FGF12: variants seen among roughly 807,000 people sequenced by gnomAD.
The protein encoded by FGF12 is fibroblast growth factor 12.
A neutral mutation model predicts 23.6 loss-of-function variants in FGF12; 14 were observed. The ratio of observed to expected loss-of-function variants is 0.59; its 90% CI spans 0.39 to 0.93. FGF12 has a LOEUF of 0.93. FGF12 is among the 40% of genes least tolerant of loss of function. FGF12 has a pLI of 0.00. For missense variants in FGF12, 175 were observed against 217.8 expected, an observed-to-expected ratio of 0.80 and a Z score of 1.24; for synonymous variants, 62 against 77.3, an observed-to-expected ratio of 0.80 and a Z score of 1.04.
At chr3:192,698,445 C>T (rs970547338) in intron 2 of FGF12, among the ~76,000 whole-genome samples, 6 of 152,012 alleles carry the variant, frequency 3.9e-5, no homozygotes, top group African/African-American at 1.4e-4. Context: ...GTTCTAAGTC[C>T]CTTCTAAACA....
intron 4 of FGF12, among the ~76,000 whole-genome samples, chr3:192,179,227 AC>A (rs1260447007): frequency 6.6e-6 from 1 of 152,168 alleles, no homozygotes; most frequent in African/African-American, 2.4e-5. Context: ...CTTAAAAAAA[AC>A]AACTCTGCAG....
At chr3:192,686,301 C>T (rs1206758289) in intron 2 of FGF12, among the ~76,000 whole-genome samples, 2 of 152,062 alleles carry the variant, frequency 1.3e-5, no homozygotes, top group Non-Finnish European at 2.9e-5. Flanking sequence ...AAGACAGGCA[C>T]AGAGGCAAGT....
At chr3:192,468,468 G>A (rs1351983569) in intron 2 of FGF12, among the ~76,000 whole-genome samples, 1 of 152,166 alleles carries the variant, frequency 6.6e-6, no homozygotes, top group Non-Finnish European at 1.5e-5. Flanking sequence ...CACTTCTGCA[G>A]TATACTGATG....
chr3:192,321,032 A>G (rs1269171445), intron 4 of FGF12, among the ~76,000 whole-genome samples: 1 of 152,120 alleles, frequency 6.6e-6, no homozygotes, highest in African/African-American at 2.4e-5. Flanking sequence ...GTTTTTTGAA[A>G]AGATAAACAA....
chr3:192,400,107 T>A (rs1034484375), intron 2 of FGF12, among the ~76,000 whole-genome samples: 4 of 152,226 alleles, frequency 2.6e-5, no homozygotes, highest in Admixed American at 2.0e-4. Flanking sequence ...AGTCCAAGTT[T>A]CAATTATGAG....
intron 2 of FGF12, among the ~76,000 whole-genome samples, chr3:192,499,044 T>C (rs9840952): frequency 0.011 from 1,699 of 152,326 alleles, 28 homozygotes; most frequent in African/African-American, 0.037. Context: ...TCCAAGGTGA[T>C]ATAAAATGAA....
rs937873864 is a variant in FGF12 at position 192,711,414 on chromosome 3, C to T, written c.13+15767G>A. ...CGCCCCTTCTGGGAAGTGAGGAGCC[C>T]CTCTGCCCGGCCGCCACCCCGTCTG... On this transcript the variant is annotated intron_variant, in intron 2 of 5. Transcript: ENST00000445105. Among the ~76,000 whole-genome samples the T allele has an allele frequency of 3.3e-5, 5 of 149,716 alleles. No homozygotes were observed. The Admixed American group carries it at 3.3e-4, about 10-fold the overall frequency.
intron 2 of FGF12, among the ~76,000 whole-genome samples, chr3:192,440,318 A>C (rs1722167258): frequency 6.6e-6 from 1 of 152,184 alleles, no homozygotes; most frequent in Non-Finnish European, 1.5e-5. Flanking sequence ...GTGGTCTGGG[A>C]AATTTTCAAG....
At chr3:192,593,338 A>T (rs1449480505) in intron 2 of FGF12, among the ~76,000 whole-genome samples, 1 of 151,650 alleles carries the variant, frequency 6.6e-6, no homozygotes, top group Non-Finnish European at 1.5e-5. Flanking sequence ...CCTCATGATC[A>T]TACGTAGAAT....
chr3:192,534,777 CTGAA>C (rs1319739399), intron 2 of FGF12, among the ~76,000 whole-genome samples: 1 of 152,048 alleles, frequency 6.6e-6, no homozygotes, highest in African/African-American at 2.4e-5. Flanking sequence ...TCATATATGA[CTGAA>C]TAATACTAAT....
chr3:192,211,571 G>A (rs1200359300), intron 4 of FGF12, among the ~76,000 whole-genome samples: 2 of 151,880 alleles, frequency 1.3e-5, no homozygotes, highest in African/African-American at 4.8e-5. Context: ...GATTACAGGT[G>A]CCCCCCACCA....
chr3:192,401,486 A>T (rs925379154), intron 2 of FGF12, among the ~76,000 whole-genome samples: 4 of 152,206 alleles, frequency 2.6e-5, no homozygotes, highest in Admixed American at 6.5e-5. Context: ...GATCCACTAA[A>T]AGATTTTCAG....
chr3:192,488,505 A>G (rs1253860576), intron 2 of FGF12, among the ~76,000 whole-genome samples: 1 of 152,102 alleles, frequency 6.6e-6, no homozygotes, highest in African/African-American at 2.4e-5. Context: ...CTCCACCTTT[A>G]TCAATACCAC....
chr3:192,303,028 T>G (rs1715428498), intron 4 of FGF12, among the ~76,000 whole-genome samples: 1 of 152,200 alleles, frequency 6.6e-6, no homozygotes, highest in Admixed American at 6.5e-5. Flanking sequence ...AAATCTCTTT[T>G]GTAATTGCTA....
At chr3:192,529,160 T>A (rs1022874386) in intron 2 of FGF12, among the ~76,000 whole-genome samples, 2 of 152,210 alleles carry the variant, frequency 1.3e-5, no homozygotes, top group African/African-American at 2.4e-5. Context: ...CTTATAAAAC[T>A]GAATGCCTTT....
chr3:192,400,195 T>C (rs576031822), intron 2 of FGF12, among the ~76,000 whole-genome samples: 2 of 152,174 alleles, frequency 1.3e-5, no homozygotes, highest in African/African-American at 4.8e-5. Context: ...TAACTAACAA[T>C]AGGCAGAAAA....
chr3:192,397,956 A>AC (rs1720595125), intron 2 of FGF12, among the ~76,000 whole-genome samples: 2 of 150,918 alleles, frequency 1.3e-5, no homozygotes, highest in South Asian at 4.2e-4. Flanking sequence ...TTAAAAAAAA[A>AC]CTCTTTATGA....
chr3:192,186,219 C>T lies in FGF12; in HGVS notation c.229-15563G>A, dbSNP rs78882142. Among the ~76,000 whole-genome samples, 504 of 152,214 alleles carry T rather than the reference C, an allele frequency of 3.3e-3. 8 individuals carry two copies. Among genetic ancestry groups the T allele is most frequent in the East Asian group, 0.032 (163 of 5,170 alleles). ...AAGCAAACAGATGGTATTCTGGGAC[C>T]TGGAGAGTATAAGGAAAATGCGAAT... On this transcript the variant is annotated intron_variant, in intron 4 of 5. Transcript: ENST00000445105.
At chr3:192,353,333 T>C (rs1032590761) in intron 3 of FGF12, among the ~76,000 whole-genome samples, 3 of 151,826 alleles carry the variant, frequency 2.0e-5, no homozygotes, top group Non-Finnish European at 2.9e-5. Context: ...TCGTTTTGCT[T>C]TACTGACCAG....
Sources: allele counts gnomAD v4.1 joint callset (sites outside exome capture counted in the v4.1 genomes callset), GRCh38; gene constraint gnomAD v4.1.1; transcripts MANE v1.5; gene names NCBI Gene and HGNC (gene_info 2026-07-23, HGNC 2026-07-21).